NXPH1: variants seen among roughly 807,000 people sequenced by gnomAD.
NXPH1 encodes neurexophilin 1.
In NXPH1, 5 loss-of-function variants were observed where a neutral mutation model predicts 23.7. The ratio of observed to expected loss-of-function variants is 0.21; its 90% CI spans 0.11 to 0.44. The LOEUF (loss-of-function observed/expected upper bound fraction) is 0.44. Among genes scored for constraint, NXPH1 ranks in the 20% least tolerant of loss-of-function variants. NXPH1 has a pLI of 0.99. For missense variants in NXPH1, 324 were observed against 321.6 expected, an observed-to-expected ratio of 1.01 and a Z score of -0.06; for synonymous variants, 144 against 122.2, an observed-to-expected ratio of 1.18 and a Z score of -1.18.
intron 2 of NXPH1, among the ~76,000 whole-genome samples, chr7:8,716,352 T>C (rs1387302662): frequency 6.6e-6 from 1 of 152,216 alleles, no homozygotes; most frequent in African/African-American, 2.4e-5. Flanking sequence ...GTTTAGCCAA[T>C]ATAATTTTCC....
intron 2 of NXPH1, among the ~76,000 whole-genome samples, chr7:8,709,313 T>G (rs1779751815): frequency 1.3e-5 from 2 of 152,176 alleles, no homozygotes; most frequent in African/African-American, 4.8e-5. Context: ...CCCTTTGCCT[T>G]GATACCTTCA....
intron 2 of NXPH1, among the ~76,000 whole-genome samples, chr7:8,531,212 C>A (rs1312102001): frequency 3.3e-5 from 5 of 152,106 alleles, no homozygotes; most frequent in Non-Finnish European, 7.4e-5. Flanking sequence ...TCCTCCATAA[C>A]TATGAGCTAT....
intron 2 of NXPH1, among the ~76,000 whole-genome samples, chr7:8,476,370 G>A (rs1253872876): frequency 6.6e-6 from 1 of 151,970 alleles, no homozygotes; most frequent in Non-Finnish European, 1.5e-5. Context: ...TTCAGGCCTG[G>A]GTTTGTATCT....
At chr7:8,458,239 G>A (rs942924005) in intron 2 of NXPH1, among the ~76,000 whole-genome samples, 1 of 152,132 alleles carries the variant, frequency 6.6e-6, no homozygotes, top group African/African-American at 2.4e-5. Flanking sequence ...TAGGGTCTCT[G>A]GAATTGACTA....
intron 2 of NXPH1, among the ~76,000 whole-genome samples, chr7:8,737,628 A>G (rs1327981471): frequency 6.6e-6 from 1 of 152,078 alleles, no homozygotes; most frequent in Non-Finnish European, 1.5e-5. Flanking sequence ...GCTCTTCTTG[A>G]GGAATATCTT....
At chr7:8,657,431 T>C (rs184089101) in intron 2 of NXPH1, among the ~76,000 whole-genome samples, 1 of 152,318 alleles carries the variant, frequency 6.6e-6, no homozygotes, top group East Asian at 1.9e-4. Flanking sequence ...GCAGGACATT[T>C]CCTTTCACAA....
chr7:8,566,313 T>C (rs1250922058), intron 2 of NXPH1, among the ~76,000 whole-genome samples: 2 of 151,838 alleles, frequency 1.3e-5, no homozygotes, highest in Non-Finnish European at 2.9e-5. Flanking sequence ...AAACCTGTTG[T>C]TTAGCTTTGG....
intron 2 of NXPH1, among the ~76,000 whole-genome samples, chr7:8,746,937 C>G (rs1405953378): frequency 2.0e-5 from 3 of 151,318 alleles, no homozygotes; most frequent in Non-Finnish European, 2.9e-5. Context: ...ATGCTTTATG[C>G]TCTTAAATCC....
intron 2 of NXPH1, among the ~76,000 whole-genome samples, chr7:8,669,094 A>ATTGCTGTGAT (rs1319254259): frequency 6.6e-6 from 1 of 152,118 alleles, no homozygotes; most frequent in East Asian, 1.9e-4. Flanking sequence ...CAGCCAATAA[A>ATTGCTGTGAT]TTGCTGTGAT....
intron 2 of NXPH1, among the ~76,000 whole-genome samples, chr7:8,641,740 C>T (rs1820316608): frequency 1.3e-5 from 2 of 152,130 alleles, no homozygotes; most frequent in African/African-American, 4.8e-5. Flanking sequence ...TTTATTCAGG[C>T]ACACTATTTT....
chr7:8,590,424 C>G (rs1417446576), intron 2 of NXPH1, among the ~76,000 whole-genome samples: 1 of 151,996 alleles, frequency 6.6e-6, no homozygotes, highest in Non-Finnish European at 1.5e-5. Context: ...TTAGATGTTG[C>G]TTCATTTCTC....
chr7:8,499,744 C>T (rs532631624), intron 2 of NXPH1, among the ~76,000 whole-genome samples: 2 of 152,142 alleles, frequency 1.3e-5, no homozygotes, highest in East Asian at 1.9e-4. Context: ...GTCTATTCCC[C>T]GCTATTTTTG....
chr7:8,602,881 T>A (rs547264786), intron 2 of NXPH1, among the ~76,000 whole-genome samples: 115 of 151,968 alleles, frequency 7.6e-4, no homozygotes, highest in Non-Finnish European at 1.4e-3. Context: ...CAGGCTGGAG[T>A]GCAGTGGCAC....
At chr7:8,634,619 G>GTTCTTTC (rs1230498727) in intron 2 of NXPH1, among the ~76,000 whole-genome samples, 1 of 141,562 alleles carries the variant, frequency 7.1e-6, no homozygotes, top group African/African-American at 2.6e-5. Context: ...TTTGGAGTGA[G>GTTCTTTC]TTCTTTCTTC....
chr7:8,637,529 G>A (rs1379113834), intron 2 of NXPH1, among the ~76,000 whole-genome samples: 1 of 152,136 alleles, frequency 6.6e-6, no homozygotes, highest in African/African-American at 2.4e-5. Flanking sequence ...CTGGCCAAGA[G>A]ACTGACTCTT....
At chr7:8,697,318 T>G (rs1779545421) in intron 2 of NXPH1, among the ~76,000 whole-genome samples, 1 of 152,142 alleles carries the variant, frequency 6.6e-6, no homozygotes, top group African/African-American at 2.4e-5. Context: ...GCTTATCCTT[T>G]TAAAAGGTCA....
At chr7:8,739,479 A>C (rs1206502574) in intron 2 of NXPH1, among the ~76,000 whole-genome samples, 1 of 152,074 alleles carries the variant, frequency 6.6e-6, no homozygotes, top group Non-Finnish European at 1.5e-5. Flanking sequence ...GGCTGCACGC[A>C]CTGTCTAACC....
chr7:8,705,093 G>A lies in NXPH1; in HGVS notation c.55-45915G>A, dbSNP rs557838691. ...GTCCACTAGTCAAAGTGGAGATTGT[G>A]CTTGTCCTGACACAGAGCCAGGACT... On this transcript the variant is annotated intron_variant, in intron 2 of 2. Transcript: ENST00000405863. 2.0e-5 allele frequency among the ~76,000 whole-genome samples: 3 copies of A among 152,140 alleles called. No homozygotes were observed. In the South Asian group the frequency reaches 6.2e-4, roughly 32 times the overall value.
At chr7:8,737,096 T>C (rs768281343) in intron 2 of NXPH1, among the ~76,000 whole-genome samples, 1 of 152,168 alleles carries the variant, frequency 6.6e-6, no homozygotes, top group Non-Finnish European at 1.5e-5. Context: ...TTTGCCAGTG[T>C]GTGTCTTTTA....
Sources: gnomAD v4.1 joint callset for allele counts (sites outside exome capture counted in the v4.1 genomes callset) on GRCh38, gnomAD v4.1.1 for gene constraint, MANE v1.5 for transcripts, NCBI Gene and HGNC (gene_info 2026-07-23, HGNC 2026-07-21) for gene names.